THBS4: variants seen among roughly 807,000 people sequenced by gnomAD.
The protein encoded by THBS4 is thrombospondin 4.
THBS4 carries 90 observed loss-of-function variants against 115.7 expected under a neutral mutation model. That is an observed-to-expected ratio of 0.78 (90% CI 0.66 to 0.93). The LOEUF (loss-of-function observed/expected upper bound fraction) is 0.93. Ranked by LOEUF, THBS4 falls within the 40% of genes least tolerant of loss-of-function variation. THBS4 has a pLI of 0.00. For missense variants in THBS4, 1,087 were observed against 1,232.7 expected, an observed-to-expected ratio of 0.88 and a Z score of 1.77; for synonymous variants, 460 against 479.3, an observed-to-expected ratio of 0.96 and a Z score of 0.53.
At chr5:80,033,170 A>G (rs578052573), upstream of THBS4, 5 of 430,242 alleles carry the variant, frequency 1.2e-5, no homozygotes, top group African/African-American at 2.1e-5. Flanking sequence ...GGCATGATCA[A>G]CTCTGTTTCC....
intron 2 of THBS4, among the ~76,000 whole-genome samples, chr5:80,016,125 C>G (rs1027079718): frequency 2.0e-5 from 3 of 152,206 alleles, no homozygotes; most frequent in Non-Finnish European, 4.4e-5. Context: ...CTTCCTGTGT[C>G]ACACATTCCC....
chr5:80,042,196 T>A (rs1832924152), intron 2 of THBS4, among the ~76,000 whole-genome samples: 1 of 152,134 alleles, frequency 6.6e-6, no homozygotes, highest in Non-Finnish European at 1.5e-5. Flanking sequence ...TCTTCAGCCC[T>A]AATGAGGGGG....
At chr5:80,075,576 A>G (rs1428515878) in intron 15 of THBS4, among the ~76,000 whole-genome samples, 2 of 152,192 alleles carry the variant, frequency 1.3e-5, no homozygotes, top group Non-Finnish European at 2.9e-5. Flanking sequence ...GGTGCAGGTC[A>G]TCTTGCACTC....
intron 20 of THBS4, 43 bp downstream of exon 20, chr5:80,080,120 G>A (rs907049492): frequency 6.3e-7 from 1 of 1,583,538 alleles, no homozygotes; most frequent in Non-Finnish European, 8.6e-7. Context: ...TAGAAGCAAA[G>A]CATTCTCCGT....
chr5:80,077,196 A>G, intron 16 of THBS4, 148 bp downstream of exon 16: 1 of 735,698 alleles, frequency 1.4e-6, no homozygotes, highest in South Asian at 2.3e-5. Flanking sequence ...GCATAGCTGC[A>G]GCTTGTGTGG....
intron 3 of THBS4, among the ~76,000 whole-genome samples, chr5:80,057,991 C>T (rs1300929965): frequency 6.6e-6 from 1 of 152,192 alleles, no homozygotes; most frequent in Non-Finnish European, 1.5e-5. Flanking sequence ...ACAATGCCAG[C>T]ATTTTCCTAG....
chr5:80,019,093 G>A (rs932147786), intron 2 of THBS4, among the ~76,000 whole-genome samples: 2 of 146,490 alleles, frequency 1.4e-5, no homozygotes, highest in African/African-American at 5.1e-5. Flanking sequence ...ATTTCTCACT[G>A]GCTCAACTAT....
At chr5:80,057,165 G>A (rs558480700) in intron 3 of THBS4, among the ~76,000 whole-genome samples, 38 of 152,282 alleles carry the variant, frequency 2.5e-4, no homozygotes, top group African/African-American at 9.1e-4. Context: ...CCATAGTAGC[G>A]CATGTAATCA....
chr5:80,031,418 A>T (rs771011073), upstream of THBS4, among the ~76,000 whole-genome samples: 50 of 152,236 alleles, frequency 3.3e-4, no homozygotes, highest in Non-Finnish European at 6.3e-4. Flanking sequence ...GTATTACAAC[A>T]ATTAGAAAAG....
At chr5:80,037,605 G>A (rs751138260) in intron 1 of THBS4, among the ~76,000 whole-genome samples, 2 of 152,150 alleles carry the variant, frequency 1.3e-5, no homozygotes, top group Non-Finnish European at 2.9e-5. Flanking sequence ...TGAGAGAGAT[G>A]CAAATGAATC....
At chr5:80,041,769 G>T (rs1170692457) in intron 2 of THBS4, among the ~76,000 whole-genome samples, 1 of 152,182 alleles carries the variant, frequency 6.6e-6, no homozygotes, top group African/African-American at 2.4e-5. Context: ...TGTGACAGAT[G>T]CGTGTTCCTG....
chr5:80,003,320 C>T (rs1031750155), intron 2 of THBS4, among the ~76,000 whole-genome samples: 2 of 151,214 alleles, frequency 1.3e-5, no homozygotes, highest in Admixed American at 6.6e-5. Flanking sequence ...AATGAGAGGG[C>T]GCAAGAAAGA....
chr5:80,082,626 C>T, intron 21 of THBS4, 81 bp downstream of exon 21: 1 of 1,557,472 alleles, frequency 6.4e-7, no homozygotes, highest in East Asian at 2.2e-5. Context: ...ACCGCACTTC[C>T]CCCCCAAAAG....
intron 4 of THBS4, 23 bp downstream of exon 4, chr5:80,058,337 C>T (rs1336493587): frequency 1.3e-6 from 2 of 1,515,894 alleles, no homozygotes; most frequent in Non-Finnish European, 9.0e-7. Context: ...GGGCAGTTTG[C>T]ATGCCTTCAT....
At chr5:80,053,903 T>C (rs1240163295) in intron 2 of THBS4, among the ~76,000 whole-genome samples, 1 of 152,130 alleles carries the variant, frequency 6.6e-6, no homozygotes, top group Non-Finnish European at 1.5e-5. Context: ...CTTTGGTCTT[T>C]CTAGCAAACC....
chr5:80,065,097 T>C (rs1414115010), intron 8 of THBS4, among the ~76,000 whole-genome samples: 3 of 151,978 alleles, frequency 2.0e-5, no homozygotes, highest in African/African-American at 7.3e-5. Flanking sequence ...GAGAACTGCA[T>C]TGATTCCCAA....
intron 14 of THBS4, 43 bp from the exon 15 acceptor site, chr5:80,073,232 A>G (rs1742989419): frequency 6.2e-7 from 1 of 1,601,102 alleles, no homozygotes; most frequent in East Asian, 2.2e-5. Context: ...CATTCGGTAC[A>G]TGCAGGCCCA....
At chr5:80,003,770 T>C (rs1466708766) in intron 2 of THBS4, among the ~76,000 whole-genome samples, 2 of 152,250 alleles carry the variant, frequency 1.3e-5, no homozygotes, top group Non-Finnish European at 2.9e-5. Flanking sequence ...CCCCTTCTTA[T>C]GTTACTGTAT....
chr5:80,062,002 A>C (rs1282370254), intron 8 of THBS4, among the ~76,000 whole-genome samples, 170 bp downstream of exon 8: 1 of 152,210 alleles, frequency 6.6e-6, no homozygotes, highest in Non-Finnish European at 1.5e-5. Context: ...CTGAGTATTT[A>C]CATTTATAAA....
Sources: gnomAD v4.1 joint callset for allele counts (sites outside exome capture counted in the v4.1 genomes callset) on GRCh38, gnomAD v4.1.1 for gene constraint, MANE v1.5 for transcripts, NCBI Gene and HGNC (gene_info 2026-07-23, HGNC 2026-07-21) for gene names.